The following KPNA1 variants were observed in gnomAD, a reference collection of about 807,000 sequenced individuals.
KPNA1 encodes the protein importin subunit alpha-5.
KPNA1 carries 10 observed loss-of-function variants against 70.5 expected under a neutral mutation model. The observed-to-expected ratio is 0.14, with a 90% CI of 0.09 to 0.24. The LOEUF is 0.24. KPNA1 is among the 10% of genes least tolerant of loss of function. KPNA1 has a pLI of 1.00. For missense variants in KPNA1, 397 were observed against 637.9 expected (o/e 0.62, Z 4.07); for synonymous variants, 192 against 221.9 (o/e 0.87, Z 1.20).
At chr3:122,461,185 G>C in intron 5 of KPNA1, 39 bp downstream of exon 5, 1 of 1,279,962 alleles carries the variant, frequency 7.8e-7, no homozygotes, top group Non-Finnish European at 1.1e-6. Flanking sequence ...TTTTCAAAAG[G>C]AATTAAGTTA....
At chr3:122,503,413 G>A (rs933021054) in intron 1 of KPNA1, among the ~76,000 whole-genome samples, 2 of 152,126 alleles carry the variant, frequency 1.3e-5, no homozygotes, top group African/African-American at 4.8e-5. Context: ...AATCTAAAAG[G>A]AAAGAAATGT....
intron 12 of KPNA1, among the ~76,000 whole-genome samples, chr3:122,430,864 C>G (rs2075895872): frequency 1.3e-5 from 2 of 152,140 alleles, no homozygotes; most frequent in Admixed American, 1.3e-4. Flanking sequence ...TCCCAATACC[C>G]AAGACTGAGG....
chr3:122,472,458 A>G (rs2076452830), intron 2 of KPNA1, among the ~76,000 whole-genome samples: 1 of 152,226 alleles, frequency 6.6e-6, no homozygotes. Flanking sequence ...AGGGAAATTC[A>G]TAGCATTGAA....
At chr3:122,503,365 C>T (rs2076852492) in intron 1 of KPNA1, among the ~76,000 whole-genome samples, 1 of 152,108 alleles carries the variant, frequency 6.6e-6, no homozygotes, top group African/African-American at 2.4e-5. Context: ...CTTCTTAAAA[C>T]GTTTTTGTAG....
chr3:122,434,596 A>G (rs529168331), intron 11 of KPNA1, among the ~76,000 whole-genome samples: 1 of 152,178 alleles, frequency 6.6e-6, no homozygotes, highest in South Asian at 2.1e-4. Context: ...TACATTCTCA[A>G]TTTTTAAAAT....
intron 4 of KPNA1, 51 bp downstream of exon 4, chr3:122,463,891 A>G (rs1366866218): frequency 6.1e-6 from 6 of 980,038 alleles, no homozygotes; most frequent in South Asian, 1.5e-5. Context: ...ACTATGGGAA[A>G]GTAATTTTGT....
chr3:122,450,048 A>T (rs2076181996), intron 8 of KPNA1, among the ~76,000 whole-genome samples: 1 of 152,258 alleles, frequency 6.6e-6, no homozygotes, highest in South Asian at 2.1e-4. Context: ...GAACTTTCAC[A>T]AATGTGAAAA....
intron 5 of KPNA1, among the ~76,000 whole-genome samples, chr3:122,460,978 T>C (rs574601490): frequency 6.6e-6 from 1 of 152,074 alleles, no homozygotes; most frequent in Non-Finnish European, 1.5e-5. Context: ...ATTTCCCTAT[T>C]AGAGAAGTAT....
intron 9 of KPNA1, chr3:122,443,246 G>A (rs185231528): frequency 1.3e-5 from 2 of 152,418 alleles, no homozygotes; most frequent in African/African-American, 4.8e-5. Flanking sequence ...CAGCCTGGCG[G>A]GGGGAGGGGC....
At chr3:122,498,606 CTA>C (rs1303431596) in intron 1 of KPNA1, among the ~76,000 whole-genome samples, 1 of 152,150 alleles carries the variant, frequency 6.6e-6, no homozygotes, top group Non-Finnish European at 1.5e-5. Context: ...TTCCACTGAT[CTA>C]TATGTGTATC....
intron 2 of KPNA1, among the ~76,000 whole-genome samples, chr3:122,490,649 C>G (rs562748548): frequency 4.3e-4 from 66 of 152,232 alleles, no homozygotes; most frequent in Middle Eastern, 3.4e-3. Context: ...TAACCAAGAA[C>G]CAGTTATTTT....
intron 9 of KPNA1, among the ~76,000 whole-genome samples, chr3:122,444,876 C>G (rs912556363): frequency 6.6e-6 from 1 of 152,156 alleles, no homozygotes; most frequent in African/African-American, 2.4e-5. Flanking sequence ...AAAGGACACC[C>G]ACACCAAAAC....
In KPNA1 at chr3:122,499,300, A is replaced by G. The variant is rs946889107; in HGVS notation, c.-5-2730T>C. On this transcript the variant is annotated intron_variant, in intron 1 of 13. Transcript: ENST00000344337. The stretch of plus-strand genomic sequence containing the variant: ...ATGAAAGCAGTCTTTTACATTAAGC[A>G]TGATGTTACCTTTGGATTTTCTGTA... 5.3e-5 allele frequency among the ~76,000 whole-genome samples: 8 copies of G among 152,232 alleles called. No homozygotes were observed. In the East Asian group the frequency reaches 1.5e-3, roughly 29 times the overall value.
intron 11 of KPNA1, among the ~76,000 whole-genome samples, chr3:122,435,656 C>T (rs991064073): frequency 4.6e-5 from 7 of 152,110 alleles, no homozygotes; most frequent in African/African-American, 1.7e-4. Context: ...TTTATTAGTT[C>T]CCCCAAATTA....
chr3:122,501,483 T>C (rs1201318959), intron 1 of KPNA1, among the ~76,000 whole-genome samples: 1 of 152,222 alleles, frequency 6.6e-6, no homozygotes, highest in Non-Finnish European at 1.5e-5. Context: ...ATCAGTTATT[T>C]AGGAGTATGT....
chr3:122,461,330 T>TA lies in KPNA1; in HGVS notation c.338-13dup. On this transcript the variant is annotated splice_polypyrimidine_tract_variant and intron_variant, in intron 4 of 13. Coordinates refer to ENST00000344337, the MANE Select transcript of KPNA1 (RefSeq NM_002264.4). ...AGGAGGGTTAGGTTCTGTTTCCCCA[T>TA]AAAATAAAAGAAAAAAAAAATCCTT... is the stretch of plus-strand genomic sequence containing the variant. The TA allele has an allele frequency of 1.3e-6, 2 of 1,572,626 alleles. No individual in the cohort carries two copies. Among genetic ancestry groups the TA allele is most frequent in the Non-Finnish European group, 8.7e-7 (1 of 1,153,610 alleles).
Position 122,422,035 on chromosome 3 carries a change from T to A in KPNA1, c.*4950A>T, listed in dbSNP as rs1404762993. 1 of 152,218 alleles carries A rather than the reference T, an allele frequency of 6.6e-6. No individual in the cohort carries two copies. The highest frequency in any genetic ancestry group is 1.5e-5 in the Non-Finnish European group (1 of 68,036). The allele number at this position is 152,218 out of a possible 1,614,324, so 9.4% of individuals were successfully genotyped here. Reference sequence around the variant, plus strand: ...ACAGACCACATTCAAGTACAAAGAATCATTAGAGCCATTCCAAATCTAAGT... The same window carrying A: ...ACAGACCACATTCAAGTACAAAGAAACATTAGAGCCATTCCAAATCTAAGT... On this transcript the variant is annotated 3_prime_UTR_variant, in exon 14 of 14. Coordinates refer to ENST00000344337, the MANE Select transcript of KPNA1 (RefSeq NM_002264.4).
At position 122,427,111 on chromosome 3, in the gene KPNA1, A is replaced by G; in HGVS notation, c.1491T>C (p.Phe497=). 1 of 1,613,998 alleles carries G rather than the reference A, an allele frequency of 6.2e-7. No individual in the cohort carries two copies. Among genetic ancestry groups the G allele is most frequent in the South Asian group, 1.1e-5 (1 of 91,078 alleles). Residue 497 remains phenylalanine, a synonymous_variant, in exon 14 of 14, where the codon TTT becomes TTC. Transcript: ENST00000344337. ...TCCCGAAGTAATGCTCAATAAGATCAAAGGCCTTTTGGTAGATCTCCTGGT... is the reference window on the plus strand; with the variant it reads ...TCCCGAAGTAATGCTCAATAAGATCGAAGGCCTTTTGGTAGATCTCCTGGT... ...HENQEIYQKA[F]DLIEHYFGTE... is the part of the protein sequence containing the mutation.
rs563148244 is a variant in KPNA1, at chr3:122,478,550, C to T, written c.130-11121G>A. Among the ~76,000 whole-genome samples the T allele has an allele frequency of 2.0e-4, 30 of 151,868 alleles. 1 individual carries two copies. In the South Asian group the frequency reaches 6.2e-3, roughly 32 times the overall value. On this transcript the variant is annotated intron_variant, in intron 2 of 13. Transcript: ENST00000344337. ...CAGCCTGGACAACATGGGGAAACCC[C>T]ATCTCTACTAAAAATACAAAAATTA...
Sources: gnomAD v4.1 joint callset for allele counts (sites outside exome capture counted in the v4.1 genomes callset) on GRCh38, gnomAD v4.1.1 for gene constraint, MANE v1.5 for transcripts, NCBI Gene and HGNC (gene_info 2026-07-23, HGNC 2026-07-21) for gene names.